The following UNC5D variants were observed in gnomAD, a reference collection of about 807,000 sequenced individuals.
UNC5D encodes unc-5 netrin receptor D.
In UNC5D, 39 loss-of-function variants were observed where a neutral mutation model predicts 105.4. The observed-to-expected ratio is 0.37, with a 90% CI of 0.29 to 0.48. The LOEUF is 0.48. Ranked by LOEUF, UNC5D falls within the 20% of genes least tolerant of loss-of-function variation. UNC5D has a pLI of 0.98. For missense variants in UNC5D, 991 were observed against 1,202.4 expected (o/e 0.82, Z 2.60); for synonymous variants, 452 against 450.4 (o/e 1.00, Z -0.04).
At chr8:35,253,771 G>A (rs1299800040) in intron 1 of UNC5D, among the ~76,000 whole-genome samples, 1 of 152,056 alleles carries the variant, frequency 6.6e-6, no homozygotes, top group Non-Finnish European at 1.5e-5. Flanking sequence ...TTATAGGTGT[G>A]AGCCACCACG....
chr8:35,491,615 A>T (rs1396177262), intron 1 of UNC5D, among the ~76,000 whole-genome samples: 2 of 145,628 alleles, frequency 1.4e-5, no homozygotes, highest in Non-Finnish European at 3.0e-5. Flanking sequence ...GCAACACTTT[A>T]GAGTGTGTGT....
intron 4 of UNC5D, among the ~76,000 whole-genome samples, chr8:35,622,297 G>A (rs559256625): frequency 2.5e-4 from 38 of 152,120 alleles, no homozygotes; most frequent in Middle Eastern, 3.4e-3. Context: ...AGCCACAATC[G>A]CACCACTGCA....
chr8:35,495,640 T>C (rs1484571303), intron 1 of UNC5D, among the ~76,000 whole-genome samples: 2 of 152,060 alleles, frequency 1.3e-5, no homozygotes, highest in African/African-American at 2.4e-5. Flanking sequence ...TTACCATATT[T>C]CCATTCTGGT....
chr8:35,563,873 T>C (rs960565348), intron 2 of UNC5D, among the ~76,000 whole-genome samples: 1 of 152,142 alleles, frequency 6.6e-6, no homozygotes, highest in Non-Finnish European at 1.5e-5. Flanking sequence ...TAAATGATCA[T>C]TTTTTCTTAT....
chr8:35,444,998 T>C (rs1394819336), intron 1 of UNC5D, among the ~76,000 whole-genome samples: 1 of 152,074 alleles, frequency 6.6e-6, no homozygotes, highest in Non-Finnish European at 1.5e-5. Context: ...AGCATCACCC[T>C]AGCTGTGGAT....
At chr8:35,657,302 CT>C (rs924170824) in intron 4 of UNC5D, among the ~76,000 whole-genome samples, 3 of 151,160 alleles carry the variant, frequency 2.0e-5, no homozygotes, top group African/African-American at 7.3e-5. Flanking sequence ...CAATATAAAG[CT>C]TTATGATCCC....
At chr8:35,678,596 GTTT>G (rs111780649) in intron 4 of UNC5D, among the ~76,000 whole-genome samples, 2 of 151,840 alleles carry the variant, frequency 1.3e-5, no homozygotes, top group African/African-American at 4.8e-5. Context: ...GTTTATTATT[GTTT>G]TTGTTTCATA....
intron 16 of UNC5D, among the ~76,000 whole-genome samples, chr8:35,774,810 C>T (rs1338128000): frequency 2.0e-5 from 3 of 151,634 alleles, no homozygotes; most frequent in Admixed American, 6.6e-5. Context: ...GCCTGTAATC[C>T]CAGCTGCCTG....
At chr8:35,720,646 A>C (rs1259570786) in intron 8 of UNC5D, among the ~76,000 whole-genome samples, 1 of 152,198 alleles carries the variant, frequency 6.6e-6, no homozygotes, top group Non-Finnish European at 1.5e-5. Flanking sequence ...GCACACGTGG[A>C]AACTGAGGCT....
intron 1 of UNC5D, among the ~76,000 whole-genome samples, chr8:35,339,769 C>T (rs1391219496): frequency 1.3e-5 from 2 of 152,126 alleles, no homozygotes. Context: ...TCTGGGGAGC[C>T]AGCACACTGA....
chr8:35,467,501 G>T (rs1809387830), intron 1 of UNC5D, among the ~76,000 whole-genome samples: 1 of 145,886 alleles, frequency 6.9e-6, no homozygotes, highest in Non-Finnish European at 1.5e-5. Flanking sequence ...TAGATATGCA[G>T]CATTAATGTT....
At chr8:35,373,488 C>T (rs770586261) in intron 1 of UNC5D, among the ~76,000 whole-genome samples, 1 of 152,170 alleles carries the variant, frequency 6.6e-6, no homozygotes, top group African/African-American at 2.4e-5. Context: ...TAATAAACAT[C>T]ACATAATATG....
chr8:35,583,308 G>A (rs938360472), intron 3 of UNC5D, among the ~76,000 whole-genome samples: 2 of 152,032 alleles, frequency 1.3e-5, no homozygotes, highest in South Asian at 2.1e-4. Context: ...AGCTATGATC[G>A]CACCACTGCA....
At chr8:35,687,008 C>T (rs1826049628) in intron 7 of UNC5D, among the ~76,000 whole-genome samples, 1 of 152,132 alleles carries the variant, frequency 6.6e-6, no homozygotes, top group African/African-American at 2.4e-5. Context: ...TTAGAAGCTA[C>T]CATTTTTAAT....
intron 1 of UNC5D, among the ~76,000 whole-genome samples, chr8:35,388,103 G>A (rs1292024374): frequency 6.6e-6 from 1 of 152,090 alleles, no homozygotes; most frequent in African/African-American, 2.4e-5. Context: ...GTGGGGTGCG[G>A]TGGCTCAAGC....
rs188809682 is a variant in UNC5D at position 35,509,454 on chromosome 8, T to C, written c.104-39838T>C. Among the ~76,000 whole-genome samples the C allele has an allele frequency of 1.9e-3, 263 of 135,542 alleles. 1 individual carries two copies. The highest frequency in any genetic ancestry group is 6.7e-3 in the African/African-American group (239 of 35,416). 88.9% of individuals were successfully genotyped at this position (135,542 alleles called of 152,430 possible). A position where few individuals can be genotyped will look rare whatever the true frequency, so the allele number is the denominator to read the frequency against. ...GAGCACAGGGTCAAATATAGATCCC[T>C]GTACAAATTTTTAGCTTATCTTGCT... On this transcript the variant is annotated intron_variant, in intron 1 of 16. Coordinates refer to ENST00000404895, the MANE Select transcript of UNC5D (RefSeq NM_080872.4).
At chr8:35,717,778 G>T (rs535897056) in intron 8 of UNC5D, among the ~76,000 whole-genome samples, 2 of 152,182 alleles carry the variant, frequency 1.3e-5, no homozygotes, top group Non-Finnish European at 2.9e-5. Flanking sequence ...TGAAGAGGTG[G>T]TTACTAGCTT....
intron 8 of UNC5D, among the ~76,000 whole-genome samples, chr8:35,718,743 C>T (rs1828400493): frequency 6.6e-6 from 1 of 152,152 alleles, no homozygotes; most frequent in Admixed American, 6.5e-5. Context: ...GGATCACCTT[C>T]ATGGGAGAGG....
intron 3 of UNC5D, among the ~76,000 whole-genome samples, chr8:35,575,779 A>G (rs926171543): frequency 1.3e-5 from 2 of 152,188 alleles, no homozygotes; most frequent in Non-Finnish European, 2.9e-5. Flanking sequence ...GTCCTTTTCC[A>G]TGGACTGAAA....
Sources: gnomAD v4.1 joint callset for allele counts (sites outside exome capture counted in the v4.1 genomes callset) on GRCh38, gnomAD v4.1.1 for gene constraint, MANE v1.5 for transcripts, NCBI Gene and HGNC (gene_info 2026-07-23, HGNC 2026-07-21) for gene names.